CIP2A: variants seen among roughly 807,000 people sequenced by gnomAD.
CIP2A encodes protein CIP2A.
In CIP2A, 103 loss-of-function variants were observed where a neutral mutation model predicts 110.9. That is an observed-to-expected ratio of 0.93 (90% confidence interval 0.79 to 1.09). CIP2A has a LOEUF of 1.09. CIP2A is among the 50% of genes least tolerant of loss of function. CIP2A has a pLI of 0.00. For synonymous variants in CIP2A, 381 were observed against 361.6 expected (o/e 1.05, Z -0.61); for missense variants, 1,088 against 1,038.4 (o/e 1.05, Z -0.66).
At position 108,585,129 on chromosome 3, in the gene CIP2A, T is replaced by C. The variant is rs1476415945; in HGVS notation, c.186A>G (p.Leu62=). 1 of 1,613,606 alleles carries C rather than the reference T, an allele frequency of 6.2e-7. No homozygotes were observed. Residue 62 remains leucine (L), a synonymous_variant, in exon 2 of 21, where the codon CTA becomes CTG. Coordinates refer to ENST00000295746, the MANE Select transcript of CIP2A (RefSeq NM_020890.3). ...TSECLSCLVE[L]LEDPNISASL... The stretch of plus-strand genomic sequence containing the variant: ...AAGCACTTATGTTGGGGTCTTCAAG[T>C]AGCTCTACAAGGCAACTCAAGCATT...
intron 1 of CIP2A, among the ~76,000 whole-genome samples, chr3:108,586,355 C>T (rs1939038826): frequency 1.4e-5 from 2 of 141,744 alleles, no homozygotes; most frequent in Admixed American, 6.7e-5. Flanking sequence ...GGGCATTACC[C>T]TGTTGCTTAT....
At chr3:108,585,863 T>C in intron 1 of CIP2A, 1 of 442,298 alleles carries the variant, frequency 2.3e-6, no homozygotes, top group Non-Finnish European at 4.5e-6. Context: ...TTTACTTTCT[T>C]GTAATCTATA....
intron 2 of CIP2A, among the ~76,000 whole-genome samples, 197 bp from the exon 3 acceptor site, chr3:108,583,280 A>C (rs1372817642): frequency 1.3e-5 from 2 of 152,228 alleles, no homozygotes; most frequent in Non-Finnish European, 2.9e-5. Context: ...ATCAAAGAAA[A>C]AACTTGTTTA....
At chr3:108,569,168 C>CTATATATATATATATATATATAGATA (rs1163991017) in intron 9 of CIP2A, among the ~76,000 whole-genome samples, 1 of 11,086 alleles carries the variant, frequency 9.0e-5, no homozygotes, top group Non-Finnish European at 2.0e-4. Flanking sequence ...GAAATGAGCA[C>CTATATATATATATATATATATAGATA]TATATATATA....
In CIP2A at chr3:108,566,507, A is replaced by G; in HGVS notation, c.1405T>C (p.Ser469Pro). ...DLGFGTKVAD[S>P]ELCKLAADVI... ...AGTTTATATACTCACCATAATTCAG[A>G]ATCTGCAACCTTTGTTCCAAATCCC... The change falls in exon 11 of 21, where the codon TCT becomes CCT. Residue 469 changes from serine (S) to proline (P), a missense_variant. Transcript: ENST00000295746. 6.2e-7 allele frequency: 1 copy of G among 1,606,994 alleles called. No individual in the cohort carries two copies. The highest frequency in any genetic ancestry group is 8.5e-7 in the Non-Finnish European group (1 of 1,176,712).
At position 108,581,401 on chromosome 3, in the gene CIP2A, A is replaced by C. The variant is rs776354370; in HGVS notation, c.549+14T>G. On this transcript the variant is annotated intron_variant, in intron 5 of 20. Transcript: ENST00000295746. ...CATAAAACAAGAAACATTAAAAAGA[A>C]ATAAACTTCTTACCAATGTCTTTAT... 5 of 1,561,674 alleles carry C rather than the reference A, an allele frequency of 3.2e-6. No individual in the cohort carries two copies. Among genetic ancestry groups the C allele is most frequent in the Non-Finnish European group, 3.5e-6 (4 of 1,137,878 alleles).
intron 8 of CIP2A, among the ~76,000 whole-genome samples, chr3:108,572,034 G>A (rs1938416907): frequency 1.3e-5 from 2 of 151,764 alleles, no homozygotes; most frequent in South Asian, 2.1e-4. Context: ...GTATCTGTTC[G>A]GCTCTGTGTT....
intron 6 of CIP2A, 24 bp from the exon 7 acceptor site, chr3:108,579,450 A>AT: frequency 6.3e-7 from 1 of 1,583,194 alleles, no homozygotes; most frequent in Non-Finnish European, 8.6e-7. Flanking sequence ...TAGAAAAAGC[A>AT]TATTAGACAA....
chr3:108,563,539 C>A (rs1938079823), intron 12 of CIP2A, among the ~76,000 whole-genome samples: 1 of 151,780 alleles, frequency 6.6e-6, no homozygotes, highest in Non-Finnish European at 1.5e-5. Flanking sequence ...TTAAAAAACC[C>A]ACAACTGACT....
At chr3:108,574,277 A>G in intron 8 of CIP2A, among the ~76,000 whole-genome samples, 1 of 152,254 alleles carries the variant, frequency 6.6e-6, no homozygotes, top group African/African-American at 2.4e-5. Context: ...AATTAATAAA[A>G]TATTAATTTA....
In CIP2A at chr3:108,557,212, A is replaced by C; in HGVS notation, c.2210+6T>G. The stretch of plus-strand genomic sequence containing the variant: ...AACCTTACACAGAAGATTTTACTTT[A>C]TTTACCTCTGAAGAAGTTCCATGTA... On this transcript the variant is annotated splice_donor_region_variant and intron_variant, in intron 17 of 20. Transcript: ENST00000295746. The C allele has an allele frequency of 6.5e-7, 1 of 1,549,196 alleles. No individual in the cohort carries two copies. Among genetic ancestry groups the C allele is most frequent in the Middle Eastern group, 1.7e-4 (1 of 5,828 alleles).
chr3:108,569,168 C>A (rs1451430186), intron 9 of CIP2A, among the ~76,000 whole-genome samples: 28 of 11,084 alleles, frequency 2.5e-3, no homozygotes, highest in Non-Finnish European at 4.3e-3. Context: ...GAAATGAGCA[C>A]TATATATATA....
chr3:108,556,690 A>C (rs1937814742), intron 17 of CIP2A, among the ~76,000 whole-genome samples: 1 of 152,206 alleles, frequency 6.6e-6, no homozygotes. Context: ...AGATGTAATC[A>C]CACATGGAAG....
chr3:108,556,519 A>G (rs1350007646), intron 17 of CIP2A, among the ~76,000 whole-genome samples: 1 of 152,180 alleles, frequency 6.6e-6, no homozygotes, highest in Admixed American at 6.5e-5. Flanking sequence ...GTCTAAAATC[A>G]AAAGTGCTCC....
chr3:108,571,061 C>G (rs1015470381), intron 8 of CIP2A, among the ~76,000 whole-genome samples: 1 of 152,048 alleles, frequency 6.6e-6, no homozygotes, highest in African/African-American at 2.4e-5. Flanking sequence ...CCAGGGTAAT[C>G]AACACCACTT....
intron 20 of CIP2A, among the ~76,000 whole-genome samples, chr3:108,551,924 A>G (rs1208259512): frequency 2.6e-5 from 4 of 152,166 alleles, no homozygotes; most frequent in African/African-American, 9.7e-5. Context: ...AACACATTAT[A>G]TAATATTTGT....
In CIP2A at chr3:108,552,342, T is replaced by C. The variant is rs150636922; in HGVS notation, c.2439A>G (p.Glu813=). 2.3e-5 allele frequency: 36 copies of C among 1,540,956 alleles called. 1 individual carries two copies. The highest frequency in any genetic ancestry group is 6.4e-5 in the Admixed American group (3 of 46,602). Reference sequence around the variant, plus strand: ...TTTCCTTTTGTAAGGTTTTAATCTTTTCTTCTTGTACTTTTGTTTTTTGAT... The same window carrying C: ...TTTCCTTTTGTAAGGTTTTAATCTTCTCTTCTTGTACTTTTGTTTTTTGAT... ...NLHQKTKVQE[E]KIKTLQKERE... is the part of the protein sequence containing the mutation. The change falls in exon 20 of 21, where the codon GAA becomes GAG. Residue 813 remains glutamate (E), a synonymous_variant. Coordinates refer to ENST00000295746, the MANE Select transcript of CIP2A (RefSeq NM_020890.3).
rs748549623 is a variant in CIP2A at position 108,568,298 on chromosome 3, G to A, written c.1130C>T (p.Ala377Val). Residue 377 changes from alanine (A) to valine (V), a missense_variant, in exon 10 of 21, where the codon GCT (alanine) becomes GTT (valine). By Grantham distance (64) the Ala-to-Val change is moderately conservative. Transcript: ENST00000295746. ...KEIFEDVIDA[A>V]NCSSADRFVT... ...AAAACGATCAGCCGAGGAACAGTTA[G>A]CAGCATCTATGACATCCTGGAGAAT... 24 of 1,611,512 alleles carry A rather than the reference G, an allele frequency of 1.5e-5. No homozygotes were observed. In the East Asian group the frequency reaches 5.1e-4, roughly 34 times the overall value.
intron 2 of CIP2A, 139 bp downstream of exon 2, chr3:108,584,925 CA>C (rs768609692): frequency 1.4e-4 from 89 of 638,424 alleles, no homozygotes; most frequent in Non-Finnish European, 1.8e-4. Flanking sequence ...TCCTCAGTGT[CA>C]AAAGATTCAC....
Sources: gnomAD v4.1 joint callset for allele counts (sites outside exome capture counted in the v4.1 genomes callset) on GRCh38, gnomAD v4.1.1 for gene constraint, MANE v1.5 for transcripts, NCBI Gene and HGNC (gene_info 2026-07-23, HGNC 2026-07-21) for gene names.